UXS1: variants seen among roughly 807,000 people sequenced by gnomAD.
UXS1 encodes the protein UDP-glucuronate decarboxylase 1.
In UXS1, 33 loss-of-function variants were observed where a neutral mutation model predicts 62.6. The observed-to-expected ratio is 0.53, with a 90% CI of 0.40 to 0.70. The LOEUF (loss-of-function observed/expected upper bound fraction) is 0.70, where lower values mean the gene tolerates loss of function less well. Ranked by LOEUF, UXS1 falls within the 30% of genes least tolerant of loss-of-function variation. The pLI, the probability that UXS1 is intolerant of heterozygous loss-of-function variation, is 0.00. For missense variants in UXS1, 434 were observed against 556.3 expected, an observed-to-expected ratio of 0.78 and a Z score of 2.21; for synonymous variants, 213 against 206.8, an observed-to-expected ratio of 1.03 and a Z score of -0.26.
At chr2:106,114,396 A>C (rs2104892082) in intron 9 of UXS1, among the ~76,000 whole-genome samples, 1 of 152,340 alleles carries the variant, frequency 6.6e-6, no homozygotes, top group Non-Finnish European at 1.5e-5. Context: ...TGAGTGTATT[A>C]AAAAGGGTGG....
At chr2:106,148,166 T>C (rs1311071108) in intron 5 of UXS1, among the ~76,000 whole-genome samples, 1 of 152,216 alleles carries the variant, frequency 6.6e-6, no homozygotes, top group African/African-American at 2.4e-5. Flanking sequence ...TCAATTTGTC[T>C]GGTTCGTGTT....
chr2:106,096,373 A>G (rs1677105250), intron 14 of UXS1, among the ~76,000 whole-genome samples: 1 of 152,114 alleles, frequency 6.6e-6, no homozygotes, highest in East Asian at 1.9e-4. Context: ...CAGTGTATAT[A>G]TGACAGTGTG....
At chr2:106,158,145 GAA>G in intron 4 of UXS1, 27 bp from the exon 5 acceptor site, 1 of 1,521,758 alleles carries the variant, frequency 6.6e-7, no homozygotes, top group East Asian at 2.4e-5. Flanking sequence ...GATTCAAAAG[GAA>G]AAAGTCAAAC....
intron 8 of UXS1, among the ~76,000 whole-genome samples, 181 bp downstream of exon 8, chr2:106,125,439 G>A (rs1050260176): frequency 1.3e-5 from 2 of 152,242 alleles, no homozygotes; most frequent in Admixed American, 1.3e-4. Flanking sequence ...TCAAACAAGA[G>A]AGGCTGTCCC....
In UXS1 at chr2:106,094,327, G is replaced by A. The variant is rs567382612; in HGVS notation, c.1147-170C>T. On this transcript the variant is annotated intron_variant, in intron 14 of 14. Transcript: ENST00000283148. The stretch of plus-strand genomic sequence containing the variant: ...TGGTTGTGACAGCATCCAGCATCAC[G>A]GCCCACCGAGAGAAGCCAGAAGTCC... 5.0e-3 allele frequency among the ~76,000 whole-genome samples: 654 copies of A among 131,080 alleles called. 4 individuals carry two copies. The highest frequency in any genetic ancestry group is 0.017 in the African/African-American group (588 of 34,022). 86.0% of individuals were successfully genotyped at this position (131,080 alleles called of 152,430 possible).
intron 1 of UXS1, among the ~76,000 whole-genome samples, chr2:106,167,130 T>C (rs1432647541): frequency 6.6e-6 from 1 of 152,194 alleles, no homozygotes; most frequent in East Asian, 1.9e-4. Context: ...AAGTCAGCCC[T>C]GAATCAACAG....
At position 106,141,974 on chromosome 2, in the gene UXS1, G is replaced by A. The variant is rs903790186; in HGVS notation, c.472+3216C>T. ...CAACCTCCACATTCTGGGTTCTAGC[G>A]ATTCTCATGCCTCAGCCTCCTGAAT... On this transcript the variant is annotated intron_variant, in intron 6 of 14. Transcript: ENST00000283148. Among the ~76,000 whole-genome samples the A allele has an allele frequency of 4.0e-5, 6 of 151,348 alleles. No individual in the cohort carries two copies. In the East Asian group the frequency reaches 5.8e-4, roughly 15 times the overall value.
intron 10 of UXS1, 111 bp downstream of exon 10, chr2:106,112,535 G>C (rs1388856642): frequency 1.5e-5 from 22 of 1,474,282 alleles, no homozygotes; most frequent in Non-Finnish European, 2.0e-5. Context: ...GGTATACATG[G>C]CAGCTTCAGA....
intron 6 of UXS1, among the ~76,000 whole-genome samples, chr2:106,141,531 C>T (rs1361914191): frequency 6.7e-6 from 1 of 150,248 alleles, no homozygotes; most frequent in Non-Finnish European, 1.5e-5. Flanking sequence ...AGTCATGGCT[C>T]ACTGCAGCCT....
At chr2:106,108,306 A>T (rs987344603) in intron 10 of UXS1, among the ~76,000 whole-genome samples, 1 of 152,224 alleles carries the variant, frequency 6.6e-6, no homozygotes. Flanking sequence ...GTGTGTGTGC[A>T]AGAGAGAAGA....
At chr2:106,190,852 A>T (rs767464101) in intron 1 of UXS1, among the ~76,000 whole-genome samples, 24 of 151,964 alleles carry the variant, frequency 1.6e-4, no homozygotes, top group Non-Finnish European at 3.4e-4. Context: ...CACTATATGC[A>T]TGTTAAAAAA....
chr2:106,191,558 G>A (rs1016668315), intron 1 of UXS1, among the ~76,000 whole-genome samples: 9 of 152,126 alleles, frequency 5.9e-5, no homozygotes, highest in South Asian at 4.1e-4. Flanking sequence ...CAACCATGTC[G>A]TGGGCTGCAC....
chr2:106,145,537 T>G, intron 5 of UXS1, 167 bp from the exon 6 acceptor site: 1 of 759,032 alleles, frequency 1.3e-6, no homozygotes, highest in East Asian at 2.9e-5. Flanking sequence ...TGACTCTTAC[T>G]GCAGAACAAA....
At chr2:106,178,379 C>A (rs1176923377) in intron 1 of UXS1, among the ~76,000 whole-genome samples, 1 of 152,170 alleles carries the variant, frequency 6.6e-6, no homozygotes, top group African/African-American at 2.4e-5. Context: ...ATATGTACCA[C>A]TATATTATGT....
At chr2:106,124,950 C>T (rs1679807688) in intron 8 of UXS1, among the ~76,000 whole-genome samples, 1 of 152,196 alleles carries the variant, frequency 6.6e-6, no homozygotes, top group Non-Finnish European at 1.5e-5. Context: ...TTACATCATA[C>T]TAAAACCTGG....
intron 6 of UXS1, among the ~76,000 whole-genome samples, chr2:106,143,352 T>C (rs1573499027): frequency 1.6e-5 from 2 of 125,268 alleles, no homozygotes; most frequent in South Asian, 5.2e-4. Flanking sequence ...GAGCTTGCAA[T>C]GAGCTGAGAT....
intron 6 of UXS1, among the ~76,000 whole-genome samples, chr2:106,130,726 C>A (rs1024759907): frequency 4.6e-5 from 7 of 152,208 alleles, no homozygotes; most frequent in African/African-American, 1.7e-4. Flanking sequence ...GAAGATCAAG[C>A]CTTGAGCCAC....
chr2:106,177,160 T>C (rs1242179535), intron 1 of UXS1, among the ~76,000 whole-genome samples: 1 of 152,096 alleles, frequency 6.6e-6, no homozygotes, highest in African/African-American at 2.4e-5. Flanking sequence ...GGTCAATGTT[T>C]TTGCTTTTTA....
chr2:106,103,634 C>T (rs887223404), intron 11 of UXS1, among the ~76,000 whole-genome samples: 2 of 152,148 alleles, frequency 1.3e-5, no homozygotes, highest in African/African-American at 4.8e-5. Flanking sequence ...TGTTAAATCG[C>T]TTTTTAGAAT....
Sources: gnomAD v4.1 joint callset for allele counts (sites outside exome capture counted in the v4.1 genomes callset) on GRCh38, gnomAD v4.1.1 for gene constraint, MANE v1.5 for transcripts, NCBI Gene and HGNC (gene_info 2026-07-23, HGNC 2026-07-21) for gene names.